The following ASF1B variants were observed in gnomAD, a reference collection of about 807,000 sequenced individuals.
ASF1B encodes histone chaperone ASF1B.
A neutral mutation model predicts 16.6 loss-of-function variants in ASF1B; 10 were observed. The observed-to-expected ratio is 0.60, with a 90% CI of 0.37 to 1.02. The LOEUF (loss-of-function observed/expected upper bound fraction) is 1.02. Ranked by LOEUF, ASF1B falls within the 50% of genes least tolerant of loss-of-function variation. The pLI is 0.01. For missense variants in ASF1B, 240 were observed against 266.0 expected, an observed-to-expected ratio of 0.90 and a Z score of 0.68; for synonymous variants, 101 against 106.2, an observed-to-expected ratio of 0.95 and a Z score of 0.30.
chr19:14,128,061 A>G (rs1280782189), intron 1 of ASF1B, among the ~76,000 whole-genome samples: 3 of 152,232 alleles, frequency 2.0e-5, no homozygotes, highest in South Asian at 2.1e-4. Context: ...TCCGGTCAAC[A>G]TGGCCTCTTG....
chr19:14,119,948 C>A lies in ASF1B; in HGVS notation c.*511G>T, dbSNP rs1056884827. On this transcript the variant is annotated 3_prime_UTR_variant, in exon 4 of 4. Transcript: ENST00000263382. ...GGATTGAAGAGGACCTAAGAATCTT[C>A]CTGGGAGCAGGACAGAAATGGGATC... 1.3e-5 allele frequency: 2 copies of A among 153,280 alleles called. No homozygotes were observed. Among genetic ancestry groups the A allele is most frequent in the Admixed American group, 6.5e-5 (1 of 15,290 alleles). The allele number at this position is 153,280 out of a possible 1,614,324, so 9.5% of individuals were successfully genotyped here. A position where few individuals can be genotyped will look rare whatever the true frequency, so the allele number is the denominator to read the frequency against.
At chr19:14,129,834 C>G (rs1967374558) in intron 1 of ASF1B, among the ~76,000 whole-genome samples, 1 of 150,580 alleles carries the variant, frequency 6.6e-6, no homozygotes, top group Non-Finnish European at 1.5e-5. Context: ...ATTGCTTGAG[C>G]TCAGAAGTTC....
At chr19:14,126,367 C>T (rs1202543270) in intron 1 of ASF1B, 130 bp from the exon 2 acceptor site, 44 of 628,512 alleles carry the variant, frequency 7.0e-5, no homozygotes, top group Admixed American at 6.7e-4. Context: ...TACAGTGATG[C>T]GATCTCAGCT....
At chr19:14,130,934 A>G (rs1056398204) in intron 1 of ASF1B, among the ~76,000 whole-genome samples, 3 of 151,424 alleles carry the variant, frequency 2.0e-5, no homozygotes, top group Non-Finnish European at 2.9e-5. Context: ...CTGGAGTGCA[A>G]TGGCGCAATC....
chr19:14,123,198 C>G (rs933903801), intron 2 of ASF1B, among the ~76,000 whole-genome samples: 7 of 152,166 alleles, frequency 4.6e-5, no homozygotes, highest in African/African-American at 1.7e-4. Flanking sequence ...CCAGTCCTGA[C>G]TGTTGAGTAG....
chr19:14,132,190 G>A (rs1194029606), intron 1 of ASF1B, among the ~76,000 whole-genome samples: 1 of 152,010 alleles, frequency 6.6e-6, no homozygotes, highest in Non-Finnish European at 1.5e-5. Context: ...ACCAAGTCCC[G>A]TTAATTTTTT....
chr19:14,128,569 C>T (rs937901531), intron 1 of ASF1B, among the ~76,000 whole-genome samples: 1 of 152,168 alleles, frequency 6.6e-6, no homozygotes, highest in Admixed American at 6.6e-5. Flanking sequence ...CAAATTCCTG[C>T]GCTCAAGTGA....
chr19:14,135,058 C>G (rs1458106995), intron 1 of ASF1B, among the ~76,000 whole-genome samples: 1 of 151,758 alleles, frequency 6.6e-6, no homozygotes, highest in South Asian at 2.1e-4. Flanking sequence ...ACGCTGCCTC[C>G]ACTAAAAATA....
chr19:14,126,010 C>T (rs1043705293), intron 2 of ASF1B, 112 bp downstream of exon 2: 41 of 815,850 alleles, frequency 5.0e-5, no homozygotes, highest in Non-Finnish European at 5.8e-5. Context: ...GGCGTGAGCC[C>T]GTGCCCAGCT....
chr19:14,121,623 T>C lies in ASF1B; in HGVS notation c.311A>G (p.Gln104Arg), dbSNP rs568540230. 3.1e-6 allele frequency: 5 copies of C among 1,614,030 alleles called. No individual in the cohort carries two copies. In the East Asian group the frequency reaches 1.1e-4, roughly 36 times the overall value. Residue 104 changes from glutamine to arginine, a missense_variant, in exon 3 of 4, where the codon CAG becomes CGG. Transcript: ENST00000263382. ...GTAGTAGCCCACTCGGATGAACTCC[T>C]GTCCATGGTAGGTGCAGGTGATGAG... is the stretch of plus-strand genomic sequence containing the variant. Reference protein sequence around the residue: ...VVLITCTYHGQEFIRVGYYVN... With the variant: ...VVLITCTYHGREFIRVGYYVN...
chr19:14,126,763 T>G (rs887454602), intron 1 of ASF1B, among the ~76,000 whole-genome samples: 1 of 152,058 alleles, frequency 6.6e-6, no homozygotes, highest in African/African-American at 2.4e-5. Flanking sequence ...TGAGCCACTG[T>G]ACCTGGCCTG....
intron 2 of ASF1B, among the ~76,000 whole-genome samples, chr19:14,123,613 C>T (rs1309398216): frequency 6.6e-6 from 1 of 151,894 alleles, no homozygotes; most frequent in Non-Finnish European, 1.5e-5. Context: ...ATCTCCTGAC[C>T]TTGTGATCCG....
At chr19:14,129,961 T>C (rs1315725104) in intron 1 of ASF1B, among the ~76,000 whole-genome samples, 1 of 151,486 alleles carries the variant, frequency 6.6e-6, no homozygotes, top group African/African-American at 2.4e-5. Context: ...ACTGAGATCG[T>C]GCCTCTGCAC....
At chr19:14,130,212 C>T (rs1179505940) in intron 1 of ASF1B, among the ~76,000 whole-genome samples, 1 of 151,814 alleles carries the variant, frequency 6.6e-6, no homozygotes, top group Non-Finnish European at 1.5e-5. Flanking sequence ...GCACCCCCCA[C>T]CACGCCCGGC....
intron 1 of ASF1B, among the ~76,000 whole-genome samples, chr19:14,126,805 C>T (rs1009065891): frequency 1.3e-5 from 2 of 152,164 alleles, no homozygotes; most frequent in African/African-American, 2.4e-5. Flanking sequence ...TGGGGTTTCA[C>T]CATGTTGGCC....
chr19:14,122,318 C>T (rs572771418), intron 2 of ASF1B, among the ~76,000 whole-genome samples: 5 of 150,444 alleles, frequency 3.3e-5, no homozygotes, highest in East Asian at 2.0e-4. Context: ...CTGCCCACCT[C>T]GGCCTCCCAA....
chr19:14,133,928 C>A (rs989333184), intron 1 of ASF1B, among the ~76,000 whole-genome samples: 3 of 151,026 alleles, frequency 2.0e-5, no homozygotes, highest in Non-Finnish European at 4.4e-5. Context: ...CTCAGCCTCC[C>A]GCGTAGCTGG....
chr19:14,127,064 G>C (rs1216076250), intron 1 of ASF1B, among the ~76,000 whole-genome samples: 1 of 152,234 alleles, frequency 6.6e-6, no homozygotes. Flanking sequence ...TGGGATCACA[G>C]GTGTGGGCTG....
rs148905948 is a variant in ASF1B at position 14,121,706 on chromosome 19, G to A, written c.228C>T (p.Ala76=). ...GGATGAGGGATGGGTTGGGGGCGTC[G>A]GCCTAGGGGAGACACATCCTAGGCC... ...PAGRHMFVFQ[A]DAPNPSLIPE... Residue 76 remains alanine (A), a splice_region_variant and synonymous_variant, in exon 3 of 4, where the codon GCC becomes GCT. Transcript: ENST00000263382. The A allele has an allele frequency of 5.7e-5, 92 of 1,612,688 alleles. 1 individual carries two copies. The highest frequency in any genetic ancestry group is 5.6e-4 in the African/African-American group (42 of 74,966).
Sources: allele counts gnomAD v4.1 joint callset (sites outside exome capture counted in the v4.1 genomes callset), GRCh38; gene constraint gnomAD v4.1.1; transcripts MANE v1.5; gene names NCBI Gene and HGNC (gene_info 2026-07-23, HGNC 2026-07-21).